KAZN: variants seen among roughly 807,000 people sequenced by gnomAD.
KAZN encodes kazrin.
KAZN carries 40 observed loss-of-function variants against 87.4 expected under a neutral mutation model. The ratio of observed to expected loss-of-function variants is 0.46; its 90% CI spans 0.36 to 0.60. The LOEUF (loss-of-function observed/expected upper bound fraction) is 0.60, where lower values mean the gene tolerates loss of function less well. Among genes scored for constraint, KAZN ranks in the 20% least tolerant of loss-of-function variants. The probability of loss-of-function intolerance (pLI) is 0.00; values close to 1 mark genes in which losing one functional copy is unlikely to be tolerated. For missense variants in KAZN, 898 were observed against 1,073.9 expected (o/e 0.84, Z 2.29); for synonymous variants, 466 against 458.3 (o/e 1.02, Z -0.22).
intron 1 of KAZN, among the ~76,000 whole-genome samples, chr1:14,957,332 C>G (rs1041360493): frequency 6.6e-6 from 1 of 152,212 alleles, no homozygotes; most frequent in Admixed American, 6.5e-5. Context: ...CCAGTGCCCC[C>G]GTGCCTAGAG....
chr1:14,009,774 T>C (rs910827089), intron 1 of KAZN, among the ~76,000 whole-genome samples: 4 of 152,216 alleles, frequency 2.6e-5, no homozygotes, highest in Non-Finnish European at 5.9e-5. Flanking sequence ...TTATGTCTTC[T>C]GCCCTGGGCT....
At chr1:14,733,578 G>A (rs949347119) in intron 1 of KAZN, among the ~76,000 whole-genome samples, 1 of 152,038 alleles carries the variant, frequency 6.6e-6, no homozygotes, top group Non-Finnish European at 1.5e-5. Context: ...CTTTCGGGGA[G>A]TGGGGGAGTT....
At chr1:14,439,417 T>C (rs1666576472) in intron 2 of KAZN, among the ~76,000 whole-genome samples, 1 of 152,188 alleles carries the variant, frequency 6.6e-6, no homozygotes, top group South Asian at 2.1e-4. Flanking sequence ...TAGGAGTTTT[T>C]ACCTACTTAG....
At chr1:15,058,407 T>C (rs1472635091) in intron 5 of KAZN, among the ~76,000 whole-genome samples, 1 of 152,268 alleles carries the variant, frequency 6.6e-6, no homozygotes, top group African/African-American at 2.4e-5. Context: ...TGGCAAGGAC[T>C]GTCTTTTGCA....
intron 14 of KAZN, chr1:15,112,898 A>G (rs772539808): frequency 1.6e-4 from 35 of 218,782 alleles, no homozygotes; most frequent in African/African-American, 4.5e-5. Flanking sequence ...GCATTCAGCT[A>G]GGCTGCCCAG....
intron 1 of KAZN, among the ~76,000 whole-genome samples, chr1:13,930,402 T>C (rs893009244): frequency 6.6e-6 from 1 of 152,222 alleles, no homozygotes; most frequent in African/African-American, 2.4e-5. Flanking sequence ...AAATAAGTGC[T>C]TCCTATAAGC....
chr1:14,427,612 G>GTATA (rs5772580), intron 2 of KAZN, among the ~76,000 whole-genome samples: 2,433 of 151,852 alleles, frequency 0.016, 62 homozygotes, highest in African/African-American at 0.053. Flanking sequence ...CTGTGTGTGT[G>GTATA]TATATATATG....
At chr1:14,791,795 G>GAGCC (rs1329248206) in intron 1 of KAZN, among the ~76,000 whole-genome samples, 1 of 152,232 alleles carries the variant, frequency 6.6e-6, no homozygotes, top group African/African-American at 2.4e-5. Flanking sequence ...CAGCAGGCAC[G>GAGCC]AGCCACCAGC....
At chr1:14,817,669 A>G (rs1160197676) in intron 1 of KAZN, among the ~76,000 whole-genome samples, 1 of 152,206 alleles carries the variant, frequency 6.6e-6, no homozygotes, top group Non-Finnish European at 1.5e-5. Flanking sequence ...TGGTCAAGAG[A>G]AAATTAAAAG....
At chr1:14,760,856 A>G (rs1000137979) in intron 1 of KAZN, among the ~76,000 whole-genome samples, 2 of 152,240 alleles carry the variant, frequency 1.3e-5, no homozygotes, top group Admixed American at 1.3e-4. Context: ...AGAGGGCCAG[A>G]TAGTAAATAC....
At chr1:14,879,699 G>T (rs1557582543) in intron 1 of KAZN, among the ~76,000 whole-genome samples, 3 of 152,138 alleles carry the variant, frequency 2.0e-5, no homozygotes, top group Non-Finnish European at 2.9e-5. Flanking sequence ...GACCAACTGG[G>T]CTCCAGAATG....
At chr1:14,784,355 G>A (rs1284403331) in intron 1 of KAZN, among the ~76,000 whole-genome samples, 1 of 152,186 alleles carries the variant, frequency 6.6e-6, no homozygotes, top group East Asian at 1.9e-4. Context: ...ACCTAGCCAA[G>A]TTGACATTGA....
chr1:14,549,863 A>G (rs1397237368), intron 2 of KAZN, among the ~76,000 whole-genome samples: 1 of 152,074 alleles, frequency 6.6e-6, no homozygotes, highest in East Asian at 1.9e-4. Flanking sequence ...TTTAGCCCCC[A>G]TTCACCACTC....
intron 1 of KAZN, among the ~76,000 whole-genome samples, chr1:14,105,731 G>T (rs1036259061): frequency 6.6e-6 from 1 of 152,130 alleles, no homozygotes; most frequent in African/African-American, 2.4e-5. Flanking sequence ...TGCCTCAAAG[G>T]ATCGCCATGA....
intron 1 of KAZN, among the ~76,000 whole-genome samples, chr1:14,958,291 A>G (rs528172694): frequency 1.6e-3 from 240 of 152,288 alleles, no homozygotes; most frequent in African/African-American, 5.3e-3. Flanking sequence ...CACGGAGCAC[A>G]TCTTGCATAG....
chr1:14,638,757 C>T (rs952822217), intron 1 of KAZN, among the ~76,000 whole-genome samples: 1 of 152,000 alleles, frequency 6.6e-6, no homozygotes, highest in Non-Finnish European at 1.5e-5. Context: ...CCATCTTCAC[C>T]GCCACTCTCC....
chr1:14,598,884 G>A lies in KAZN; in HGVS notation c.-114G>A. 1 of 1,474,764 alleles carries A rather than the reference G, an allele frequency of 6.8e-7. No individual in the cohort carries two copies. Among genetic ancestry groups the A allele is most frequent in the South Asian group, 1.4e-5 (1 of 70,802 alleles). The allele number at this position is 1,474,764 out of a possible 1,614,324, so 91.4% of individuals were successfully genotyped here. On this transcript the variant is annotated 5_prime_UTR_variant, in exon 1 of 15. Coordinates refer to ENST00000376030, the MANE Select transcript of KAZN (RefSeq NM_201628.3). The surrounding 1 kb of genome is among the most constrained non-coding windows in gnomAD (Gnocchi z 4.2). ...GGTGCCTGGGGGTCGGGGCGCGGGC[G>A]AAGCCGGGCCGCGGAGGACACAACA...
At chr1:14,006,607 C>T (rs1430886550) in intron 1 of KAZN, among the ~76,000 whole-genome samples, 1 of 152,128 alleles carries the variant, frequency 6.6e-6, no homozygotes, top group Non-Finnish European at 1.5e-5. Flanking sequence ...TATCCTTTCT[C>T]CAGTGTGTCT....
At chr1:14,699,949 A>C (rs1641830896) in intron 1 of KAZN, among the ~76,000 whole-genome samples, 1 of 152,166 alleles carries the variant, frequency 6.6e-6, no homozygotes, top group African/African-American at 2.4e-5. Context: ...AGCTCTAGAG[A>C]GTGCGCAGTC....
Sources: allele counts gnomAD v4.1 joint callset (sites outside exome capture counted in the v4.1 genomes callset), GRCh38; gene constraint gnomAD v4.1.1; non-coding constraint Gnocchi (gnomAD v3.1); transcripts MANE v1.5; gene names NCBI Gene and HGNC (gene_info 2026-07-23, HGNC 2026-07-21).